CHODL: variants seen among roughly 807,000 people sequenced by gnomAD.
CHODL encodes the protein transmembrane protein MT75.
Under a neutral mutation model 34.5 loss-of-function variants are expected in CHODL, and 29 were observed. The observed-to-expected ratio is 0.84, with a 90% CI of 0.63 to 1.15. The LOEUF (loss-of-function observed/expected upper bound fraction) is 1.15, where lower values mean the gene tolerates loss of function less well. CHODL is among the 50% of genes most tolerant of loss of function. The pLI is 0.00. For synonymous variants in CHODL, 125 were observed against 116.1 expected, an observed-to-expected ratio of 1.08 and a Z score of -0.49; for missense variants, 332 against 332.5, an observed-to-expected ratio of 1.00 and a Z score of 0.01.
intron 2 of CHODL, among the ~76,000 whole-genome samples, chr21:18,168,004 C>T (rs1291979372): frequency 6.6e-6 from 1 of 152,206 alleles, no homozygotes; most frequent in African/African-American, 2.4e-5. Flanking sequence ...AAAGACCAGA[C>T]TGGCTGAGTC....
intron 1 of CHODL, among the ~76,000 whole-genome samples, chr21:17,990,999 A>G (rs2063792806): frequency 6.6e-6 from 1 of 152,044 alleles, no homozygotes; most frequent in Non-Finnish European, 1.5e-5. Context: ...ACCATTGTCT[A>G]ACTCTCTCCC....
chr21:17,991,128 A>T (rs1022961762), intron 1 of CHODL, among the ~76,000 whole-genome samples: 1 of 152,088 alleles, frequency 6.6e-6, no homozygotes, highest in African/African-American at 2.4e-5. Flanking sequence ...GCTACAGTTG[A>T]CAGAATTTCT....
At chr21:18,001,306 C>T (rs2063903527) in intron 1 of CHODL, among the ~76,000 whole-genome samples, 2 of 152,318 alleles carry the variant, frequency 1.3e-5, no homozygotes, top group East Asian at 3.9e-4. Flanking sequence ...ACAAGGGTCA[C>T]CCATTTCAGG....
intron 1 of CHODL, among the ~76,000 whole-genome samples, chr21:17,923,649 G>C (rs1334226151): frequency 6.6e-6 from 1 of 151,996 alleles, no homozygotes; most frequent in Non-Finnish European, 1.5e-5. Flanking sequence ...TTTTAGTAGA[G>C]ACGGGGTTTC....
Position 18,177,619 on chromosome 21 carries a change from A to G in CHODL, c.-44-78890A>G, listed in dbSNP as rs1369165103. 2.6e-5 allele frequency among the ~76,000 whole-genome samples: 4 copies of G among 152,252 alleles called. No homozygotes were observed. In the East Asian group the frequency reaches 7.7e-4, roughly 29 times the overall value. On this transcript the variant is annotated intron_variant, in intron 2 of 6. Transcript: ENST00000400127. Reference sequence around the variant, plus strand: ...CAGATACTTCATAGACAGAGGGATAATGCCAGAAAATGTGCCAACATTTGT... The same window carrying G: ...CAGATACTTCATAGACAGAGGGATAGTGCCAGAAAATGTGCCAACATTTGT...
intron 1 of CHODL, among the ~76,000 whole-genome samples, chr21:17,925,381 C>T (rs1420860883): frequency 6.6e-6 from 1 of 152,148 alleles, no homozygotes; most frequent in Admixed American, 6.6e-5. Context: ...GATGTATGCA[C>T]CTGGGCCAGT....
chr21:18,062,814 C>T (rs1458462584), intron 2 of CHODL, among the ~76,000 whole-genome samples: 3 of 151,778 alleles, frequency 2.0e-5, no homozygotes, highest in African/African-American at 7.3e-5. Context: ...CACACCTGGC[C>T]CTGGAATATT....
chr21:18,042,251 TAGTCA>T lies in CHODL; in HGVS notation c.-45+14281_-45+14285del, dbSNP rs201790822. ...AGCACAGATTTAAATACACATTTGC[TAGTCA>T]GGTCTTGGATGAATGGACCCCCTTC... On this transcript the variant is annotated intron_variant, in intron 2 of 6. Transcript: ENST00000400127. 3.0e-3 allele frequency among the ~76,000 whole-genome samples: 462 copies of T among 152,050 alleles called. 2 individuals are homozygous for T. Among genetic ancestry groups the T allele is most frequent in the African/African-American group, 0.011 (443 of 41,536 alleles).
chr21:18,139,765 G>A (rs970574491), intron 2 of CHODL, among the ~76,000 whole-genome samples: 1 of 152,142 alleles, frequency 6.6e-6, no homozygotes, highest in African/African-American at 2.4e-5. Flanking sequence ...TTAGTTTAAT[G>A]TTTGCTGTAT....
At chr21:18,242,836 A>G (rs1238117752), upstream of CHODL, among the ~76,000 whole-genome samples, 3 of 152,174 alleles carry the variant, frequency 2.0e-5, no homozygotes, top group East Asian at 1.9e-4. Context: ...TACTAATACC[A>G]TGAAGATCCT....
chr21:18,096,342 C>T (rs910542930), intron 2 of CHODL, among the ~76,000 whole-genome samples: 4 of 152,148 alleles, frequency 2.6e-5, no homozygotes, highest in African/African-American at 4.8e-5. Flanking sequence ...ATACGATTTT[C>T]AGGGAACAAG....
At chr21:18,046,193 C>T (rs539829598) in intron 2 of CHODL, among the ~76,000 whole-genome samples, 1 of 151,962 alleles carries the variant, frequency 6.6e-6, no homozygotes, top group East Asian at 2.0e-4. Context: ...CGCCAGATTC[C>T]AAAAGGCCAC....
At chr21:17,946,070 A>G (rs2063405281) in intron 1 of CHODL, among the ~76,000 whole-genome samples, 1 of 152,186 alleles carries the variant, frequency 6.6e-6, no homozygotes, top group African/African-American at 2.4e-5. Flanking sequence ...TTAAAAAAAA[A>G]ACCTATTAGC....
intron 2 of CHODL, among the ~76,000 whole-genome samples, chr21:18,113,720 T>C (rs2065379224): frequency 6.6e-6 from 1 of 152,140 alleles, no homozygotes; most frequent in South Asian, 2.1e-4. Context: ...GGAATTATAA[T>C]TAAACACGAG....
At chr21:18,000,478 A>G (rs2063894820) in intron 1 of CHODL, among the ~76,000 whole-genome samples, 2 of 152,166 alleles carry the variant, frequency 1.3e-5, no homozygotes, top group Admixed American at 1.3e-4. Context: ...AGCTTTGATG[A>G]CGATAAGTTG....
chr21:18,044,654 T>G (rs1473857337), intron 2 of CHODL, among the ~76,000 whole-genome samples: 1 of 151,976 alleles, frequency 6.6e-6, no homozygotes, highest in African/African-American at 2.4e-5. Context: ...AAATACCTTT[T>G]TTTTCCTTTA....
intron 2 of CHODL, among the ~76,000 whole-genome samples, chr21:18,163,304 A>G (rs949222093): frequency 6.6e-6 from 1 of 152,224 alleles, no homozygotes; most frequent in Non-Finnish European, 1.5e-5. Flanking sequence ...TTCTTAGAAT[A>G]TTAGTTTTGT....
intron 1 of CHODL, among the ~76,000 whole-genome samples, chr21:17,973,176 A>G (rs945923433): frequency 6.6e-6 from 1 of 152,152 alleles, no homozygotes; most frequent in Non-Finnish European, 1.5e-5. Context: ...AAGACCTAAA[A>G]CCATAAAAAC....
intron 2 of CHODL, among the ~76,000 whole-genome samples, chr21:18,151,069 C>T (rs1019719983): frequency 4.8e-5 from 6 of 124,270 alleles, no homozygotes; most frequent in Non-Finnish European, 8.0e-5. Context: ...GGCGACAGAG[C>T]GAGACTCTGT....
Sources: gnomAD v4.1 joint callset for allele counts (sites outside exome capture counted in the v4.1 genomes callset) on GRCh38, gnomAD v4.1.1 for gene constraint, MANE v1.5 for transcripts, NCBI Gene and HGNC (gene_info 2026-07-23, HGNC 2026-07-21) for gene names.